The following ZNF462 variants were observed in gnomAD, a reference collection of about 807,000 sequenced individuals.
The protein encoded by ZNF462 is zinc finger PBX1-interacting protein.
Under a neutral mutation model 201.9 loss-of-function variants are expected in ZNF462, and 10 were observed. The ratio of observed to expected loss-of-function variants is 0.05; its 90% CI spans 0.03 to 0.08. ZNF462 has a LOEUF of 0.08. Ranked by LOEUF, ZNF462 falls within the 10% of genes least tolerant of loss-of-function variation. The probability of loss-of-function intolerance (pLI) is 1.00; values close to 1 mark genes in which losing one functional copy is unlikely to be tolerated. For synonymous variants in ZNF462, 1,227 were observed against 1,193.3 expected, an observed-to-expected ratio of 1.03 and a Z score of -0.58; for missense variants, 2,523 against 3,168.3, an observed-to-expected ratio of 0.80 and a Z score of 4.89.
upstream of ZNF462, among the ~76,000 whole-genome samples, chr9:106,860,648 A>G (rs1827041934): frequency 6.6e-6 from 1 of 152,226 alleles, no homozygotes; most frequent in African/African-American, 2.4e-5. The surrounding 1 kb of genome is among the most constrained non-coding windows in gnomAD (Gnocchi z 7.1). Flanking sequence ...TTCCCGGTGC[A>G]GAGCTTGACA....
At chr9:106,959,083 C>G (rs11999963) in intron 7 of ZNF462, among the ~76,000 whole-genome samples, 2 of 151,970 alleles carry the variant, frequency 1.3e-5, no homozygotes, top group Non-Finnish European at 2.9e-5. Flanking sequence ...TGTTAACTAA[C>G]AAAATAGGAG....
intron 1 of ZNF462, among the ~76,000 whole-genome samples, chr9:106,918,901 A>G (rs1829883222): frequency 6.6e-6 from 1 of 152,240 alleles, no homozygotes; most frequent in Admixed American, 6.5e-5. Context: ...AGAGCCTTTT[A>G]TTAGAATTAT....
chr9:106,960,222 C>T (rs1831768133), intron 7 of ZNF462, among the ~76,000 whole-genome samples: 1 of 152,076 alleles, frequency 6.6e-6, no homozygotes, highest in African/African-American at 2.4e-5. Flanking sequence ...CCCAGATGTG[C>T]TCTTTCCTCT....
chr9:106,986,064 A>G (rs1454844698), intron 10 of ZNF462, among the ~76,000 whole-genome samples: 12 of 152,284 alleles, frequency 7.9e-5, no homozygotes, highest in Admixed American at 5.2e-4. Context: ...ACTACCTCAG[A>G]CCTTTTTATT....
intron 10 of ZNF462, among the ~76,000 whole-genome samples, chr9:106,991,838 C>CCACA (rs774752725): frequency 0.017 from 2,134 of 128,214 alleles, 35 homozygotes; most frequent in African/African-American, 0.05. Flanking sequence ...ACAGCACTCT[C>CCACA]TACACACACA....
Position 106,886,693 on chromosome 9 carries a change from C to T in ZNF462, c.-31+23338C>T, listed in dbSNP as rs1036039077. Among the ~76,000 whole-genome samples, 4 of 152,142 alleles carry T rather than the reference C, an allele frequency of 2.6e-5. No individual in the cohort carries two copies. Among genetic ancestry groups the T allele is most frequent in the African/African-American group, 9.7e-5 (4 of 41,436 alleles). On this transcript the variant is annotated intron_variant, in intron 1 of 12. Transcript: ENST00000277225. The surrounding 1 kb of genome is among the most constrained non-coding windows in gnomAD (Gnocchi z 4.6). ...GCTGAAATGATGTGTCCAAAGTCCA[C>T]AATGTAGGAAGTTAGTTAAGGAAGC... is the stretch of plus-strand genomic sequence containing the variant.
Position 106,972,057 on chromosome 9 carries a change from G to T in ZNF462, c.6480G>T (p.Gln2160His). ...TTCAGCAGCAGTTGAACCACTATCA[G>T]TCAGCTGCCCTGGCAAGGAACAACA... is the stretch of plus-strand genomic sequence containing the variant. ...PDVQQQLNHY[Q>H]SAALARNNSR... The change falls in exon 8 of 13, where the codon CAG becomes CAT. Residue 2160 changes from glutamine to histidine, a missense_variant. This residue lies in a region of ZNF462 where 138 missense variants were observed against 146.3 expected (regional missense o/e 0.94). Coordinates refer to ENST00000277225, the MANE Select transcript of ZNF462 (RefSeq NM_021224.6). The surrounding 1 kb of genome is among the most constrained non-coding windows in gnomAD (Gnocchi z 4.8). 1 of 1,614,166 alleles carries T rather than the reference G, an allele frequency of 6.2e-7. No homozygotes were observed. The highest frequency in any genetic ancestry group is 8.5e-7 in the Non-Finnish European group (1 of 1,180,026).
intron 1 of ZNF462, among the ~76,000 whole-genome samples, chr9:106,900,284 T>G (rs1330620958): frequency 6.6e-6 from 1 of 151,024 alleles, no homozygotes; most frequent in African/African-American, 2.4e-5. Context: ...ACTCGTTGAT[T>G]GATGGGCATC....
At chr9:106,888,190 C>A (rs1030020140) in intron 1 of ZNF462, among the ~76,000 whole-genome samples, 11 of 152,042 alleles carry the variant, frequency 7.2e-5, no homozygotes, top group Non-Finnish European at 1.3e-4. Flanking sequence ...TACAGGCGCC[C>A]GCCACCGCGC....
At chr9:106,937,425 C>G (rs1830678027) in intron 6 of ZNF462, among the ~76,000 whole-genome samples, 1 of 152,082 alleles carries the variant, frequency 6.6e-6, no homozygotes, top group Non-Finnish European at 1.5e-5. Flanking sequence ...ACCTGTTTTT[C>G]TTACTTTTAA....
chr9:106,971,050 A>G (rs1588134261), intron 7 of ZNF462, among the ~76,000 whole-genome samples: 1 of 152,172 alleles, frequency 6.6e-6, no homozygotes, highest in African/African-American at 2.4e-5. Context: ...CTCCATCTTA[A>G]TGCTGACTAA....
Position 106,978,974 on chromosome 9 carries a change from A to C in ZNF462, c.6832+4701A>C. On this transcript the variant is annotated intron_variant, in intron 9 of 12. Coordinates refer to ENST00000277225, the MANE Select transcript of ZNF462 (RefSeq NM_021224.6). This position sits in a 1 kb window ranked among gnomAD's most constrained non-coding sequence, Gnocchi z 4.1. ...CCAAGTTAATGTGTGTGAAGGCAAC[A>C]GTAGTGCAGATCTCCCTGTGGACTA... The C allele has an allele frequency of 3.8e-6, 1 of 262,800 alleles. No individual in the cohort carries two copies. Among genetic ancestry groups the C allele is most frequent in the Non-Finnish European group, 7.2e-6 (1 of 138,284 alleles). 16.3% of individuals were successfully genotyped at this position (262,800 alleles called of 1,614,324 possible).
Position 106,978,710 on chromosome 9 carries a change from T to C in ZNF462, c.6832+4437T>C, listed in dbSNP as rs1827196589. 6.6e-6 allele frequency: 1 copy of C among 152,104 alleles called. No homozygotes were observed. Among genetic ancestry groups the C allele is most frequent in the Admixed American group, 6.5e-5 (1 of 15,272 alleles). 9.4% of individuals were successfully genotyped at this position (152,104 alleles called of 1,614,324 possible). A position where few individuals can be genotyped will look rare whatever the true frequency, so the allele number is the denominator to read the frequency against. ...ACACCCACTATATGCCAGCCTTATT[T>C]TGTTTTTGGCTTTTTGAAGGAGACT... On this transcript the variant is annotated intron_variant, in intron 9 of 12. Coordinates refer to ENST00000277225, the MANE Select transcript of ZNF462 (RefSeq NM_021224.6). The surrounding 1 kb of genome is among the most constrained non-coding windows in gnomAD (Gnocchi z 4.1).
At chr9:106,955,613 A>G (rs1831540004) in intron 7 of ZNF462, among the ~76,000 whole-genome samples, 1 of 152,160 alleles carries the variant, frequency 6.6e-6, no homozygotes, top group African/African-American at 2.4e-5. Context: ...TGCAGCATGC[A>G]GTGCTGTTGC....
rs1021230518 is a variant in ZNF462, at chr9:106,966,391, A to G, written c.6428-5614A>G. Among the ~76,000 whole-genome samples the G allele has an allele frequency of 4.6e-5, 7 of 152,030 alleles. No individual in the cohort carries two copies. The highest frequency in any genetic ancestry group is 1.7e-4 in the African/African-American group (7 of 41,394). ...CTTAAGGTGGAGGTGTAGTGAGTTG[A>G]ACGTTTAGGTAGCTGCGTGTCTAGT... On this transcript the variant is annotated intron_variant, in intron 7 of 12. Coordinates refer to ENST00000277225, the MANE Select transcript of ZNF462 (RefSeq NM_021224.6). This position sits in a 1 kb window ranked among gnomAD's most constrained non-coding sequence, Gnocchi z 4.4.
upstream of ZNF462, chr9:106,862,983 CT>C (rs1471582516): frequency 2.3e-5 from 9 of 396,472 alleles, no homozygotes; most frequent in Admixed American, 4.4e-5. This position sits in a 1 kb window ranked among gnomAD's most constrained non-coding sequence, Gnocchi z 4.2. Context: ...CTCTCTCCCC[CT>C]GGTTGCTCAT....
chr9:106,861,676 T>C (rs1827070222), upstream of ZNF462, among the ~76,000 whole-genome samples: 2 of 152,174 alleles, frequency 1.3e-5, no homozygotes, highest in Admixed American at 1.3e-4. Context: ...TTTGATACTG[T>C]AGAACCCCCA....
chr9:106,875,402 C>A (rs1416812618), intron 1 of ZNF462, among the ~76,000 whole-genome samples: 1 of 152,134 alleles, frequency 6.6e-6, no homozygotes, highest in Non-Finnish European at 1.5e-5. Context: ...GCACATGAAA[C>A]CTGTTAAGTC....
Position 106,978,244 on chromosome 9 carries a change from G to A in ZNF462, c.6832+3971G>A, listed in dbSNP as rs1318040926. Among the ~76,000 whole-genome samples the A allele has an allele frequency of 1.3e-5, 2 of 151,526 alleles. No individual in the cohort carries two copies. Among genetic ancestry groups the A allele is most frequent in the Admixed American group, 1.3e-4 (2 of 15,268 alleles). On this transcript the variant is annotated intron_variant, in intron 9 of 12. Coordinates refer to ENST00000277225, the MANE Select transcript of ZNF462 (RefSeq NM_021224.6). The surrounding 1 kb of genome is among the most constrained non-coding windows in gnomAD (Gnocchi z 4.1). Reference sequence around the variant, plus strand: ...GGGGACACTCTTCAACCCACTACACGAGGGAAGAGACAATTTAATAAACCA... The same window carrying A: ...GGGGACACTCTTCAACCCACTACACAAGGGAAGAGACAATTTAATAAACCA...
Sources: allele counts gnomAD v4.1 joint callset (sites outside exome capture counted in the v4.1 genomes callset), GRCh38; gene constraint gnomAD v4.1.1; regional missense constraint gnomAD v4.1.1; non-coding constraint Gnocchi (gnomAD v3.1); transcripts MANE v1.5; gene names NCBI Gene and HGNC (gene_info 2026-07-23, HGNC 2026-07-21).